STAP1: variants seen among roughly 807,000 people sequenced by gnomAD.
The protein encoded by STAP1 is signal-transducing adaptor protein 1.
Under a neutral mutation model 37.8 loss-of-function variants are expected in STAP1, and 30 were observed. That is an observed-to-expected ratio of 0.79 (90% confidence interval 0.59 to 1.08). The LOEUF is 1.08. Among genes scored for constraint, STAP1 ranks in the 50% least tolerant of loss-of-function variants. The pLI is 0.00. For missense variants in STAP1, 357 were observed against 349.4 expected (o/e 1.02, Z -0.17); for synonymous variants, 130 against 116.0 (o/e 1.12, Z -0.78).
At chr4:67,558,984 T>G (rs990888972) in intron 1 of STAP1, 55 bp downstream of exon 1, 1 of 1,506,910 alleles carries the variant, frequency 6.6e-7, no homozygotes, top group African/African-American at 1.4e-5. Context: ...ATTTAATATT[T>G]ATTTCATGGT....
At chr4:67,572,840 T>C (rs1185018502) in intron 2 of STAP1, among the ~76,000 whole-genome samples, 1 of 152,114 alleles carries the variant, frequency 6.6e-6, no homozygotes, top group African/African-American at 2.4e-5. Context: ...ATAGATGAGA[T>C]TAGTGAAGTT....
intron 8 of STAP1, among the ~76,000 whole-genome samples, chr4:67,601,494 T>C (rs1728340654): frequency 1.3e-5 from 2 of 152,220 alleles, no homozygotes; most frequent in Non-Finnish European, 2.9e-5. Context: ...AATGTCCTTT[T>C]CTATCAGATT....
At position 67,558,771 on chromosome 4, in the gene STAP1, T is replaced by C. The variant is rs1311682064; in HGVS notation, c.-39T>C. 2 of 1,586,594 alleles carry C rather than the reference T, an allele frequency of 1.3e-6. No individual in the cohort carries two copies. Among genetic ancestry groups the C allele is most frequent in the Non-Finnish European group, 8.5e-7 (1 of 1,170,514 alleles). On this transcript the variant is annotated 5_prime_UTR_variant, in exon 1 of 9. Coordinates refer to ENST00000265404, the MANE Select transcript of STAP1 (RefSeq NM_012108.4). ...TCACAGAAGGAAGATTTCATTTTGT[T>C]TGAGACGAGAAACCAAACCACACAC...
At chr4:67,560,965 T>C (rs1727325028) in intron 1 of STAP1, among the ~76,000 whole-genome samples, 1 of 152,164 alleles carries the variant, frequency 6.6e-6, no homozygotes, top group South Asian at 2.1e-4. Flanking sequence ...TACCTTTTAC[T>C]TGTATGTCAG....
chr4:67,583,781 A>G, intron 6 of STAP1, 79 bp downstream of exon 6: 5 of 1,508,982 alleles, frequency 3.3e-6, no homozygotes, highest in South Asian at 1.3e-5. Flanking sequence ...AGCACCTGCT[A>G]TGTGTTTCGT....
At chr4:67,606,175 T>C (rs910242938) in intron 8 of STAP1, 121 bp from the exon 9 acceptor site, 9 of 700,472 alleles carry the variant, frequency 1.3e-5, no homozygotes, top group Non-Finnish European at 2.1e-5. Flanking sequence ...TTCCTAACAA[T>C]TACTAAACAC....
intron 6 of STAP1, among the ~76,000 whole-genome samples, chr4:67,585,108 A>C (rs1397492652): frequency 6.6e-6 from 1 of 152,230 alleles, no homozygotes; most frequent in African/African-American, 2.4e-5. Context: ...TCCACAACTG[A>C]TAATATAATT....
At chr4:67,560,643 G>GGGGGGT (rs370510074) in intron 1 of STAP1, among the ~76,000 whole-genome samples, 31 of 149,606 alleles carry the variant, frequency 2.1e-4, no homozygotes, top group African/African-American at 4.9e-4. Flanking sequence ...TGTGTGTGTG[G>GGGGGGT]GTGTGTGTCT....
intron 8 of STAP1, among the ~76,000 whole-genome samples, chr4:67,596,993 T>C (rs940210955): frequency 6.6e-6 from 1 of 152,194 alleles, no homozygotes; most frequent in African/African-American, 2.4e-5. Flanking sequence ...AGAAGCCAAA[T>C]GTTAATCACC....
intron 6 of STAP1, among the ~76,000 whole-genome samples, chr4:67,589,113 TTAATA>T (rs1728066824): frequency 6.6e-6 from 1 of 152,176 alleles, no homozygotes; most frequent in Admixed American, 6.5e-5. Context: ...AATCCCTTAT[TTAATA>T]GGAATACAGG....
chr4:67,575,633 G>A (rs1727703092), intron 3 of STAP1, 135 bp downstream of exon 3: 1 of 670,200 alleles, frequency 1.5e-6, no homozygotes, highest in East Asian at 3.1e-5. Context: ...CTTGCGTCTG[G>A]CCAAGACCTA....
rs775778895 is a variant in STAP1 at position 67,581,337 on chromosome 4, T to C, written c.396T>C (p.Pro132=). ...LSVPQNVSLL[P]GQVIKLHEVL... is the part of the protein sequence containing the mutation. ...TTCCCCAAAACGTGTCACTCCTACC[T>C]GGGCAAGTAATTAAACTGCATGAAG... The change falls in exon 5 of 9, where the codon CCT becomes CCC. Residue 132 remains proline (P), a synonymous_variant. Transcript: ENST00000265404. 6.2e-7 allele frequency: 1 copy of C among 1,613,798 alleles called. No individual in the cohort carries two copies. The highest frequency in any genetic ancestry group is 8.5e-7 in the Non-Finnish European group (1 of 1,179,844).
In STAP1 at chr4:67,558,869, G is replaced by T. The variant is rs1560452491; in HGVS notation, c.60G>T (p.Lys20Asn). Residue 20 changes from lysine (K) to asparagine (N), a missense_variant, in exon 1 of 9, where the codon AAG (lysine) becomes AAT (asparagine). By Grantham distance (94) the Lys-to-Asn change is moderately conservative. Coordinates refer to ENST00000265404, the MANE Select transcript of STAP1 (RefSeq NM_012108.4). ...GCAGGATCTTCCAGGAAAGGTTAAA[G>T]ATTACTGCTCTACCTTTGTACTTTG... Reference protein sequence around the residue: ...APRRIFQERLKITALPLYFEG... With the variant: ...APRRIFQERLNITALPLYFEG... 1 of 1,613,852 alleles carries T rather than the reference G, an allele frequency of 6.2e-7. No homozygotes were observed. The highest frequency in any genetic ancestry group is 1.7e-5 in the Admixed American group (1 of 60,016).
At chr4:67,581,198 T>G in intron 4 of STAP1, 107 bp from the exon 5 acceptor site, 1 of 1,078,190 alleles carries the variant, frequency 9.3e-7, no homozygotes, top group Admixed American at 2.4e-5. Context: ...CTCATTCACC[T>G]CTGTCAGGTA....
chr4:67,567,335 C>T (rs1166112879), intron 1 of STAP1, among the ~76,000 whole-genome samples: 1 of 151,282 alleles, frequency 6.6e-6, no homozygotes, highest in Non-Finnish European at 1.5e-5. Context: ...GAGGCATCAG[C>T]AGGTTCATTG....
intron 8 of STAP1, among the ~76,000 whole-genome samples, chr4:67,602,129 G>A (rs1728356567): frequency 1.3e-5 from 2 of 151,382 alleles, no homozygotes; most frequent in Non-Finnish European, 2.9e-5. Flanking sequence ...CTGCCCTATT[G>A]AGAGATTCTG....
At position 67,605,168 on chromosome 4, in the gene STAP1, T is replaced by A. The variant is rs552286403; in HGVS notation, c.827-1128T>A. 1.7e-3 allele frequency among the ~76,000 whole-genome samples: 265 copies of A among 152,278 alleles called. 1 individual carries two copies. The highest frequency in any genetic ancestry group is 6.2e-3 in the African/African-American group (259 of 41,546). On this transcript the variant is annotated intron_variant, in intron 8 of 8. Transcript: ENST00000265404. ...CACCTGTGCTGTAATTGCAGTTCTGTGAGACTGCAGTTGCCCAATCTCTCC... is the reference window on the plus strand; with the variant it reads ...CACCTGTGCTGTAATTGCAGTTCTGAGAGACTGCAGTTGCCCAATCTCTCC...
chr4:67,570,839 C>T (rs1315431148), intron 1 of STAP1, among the ~76,000 whole-genome samples: 3 of 151,508 alleles, frequency 2.0e-5, no homozygotes, highest in Non-Finnish European at 4.4e-5. Context: ...GAAGCTGAGG[C>T]AGAAGAATTG....
At position 67,606,452 on chromosome 4, in the gene STAP1, A is replaced by G; in HGVS notation, c.*95A>G. On this transcript the variant is annotated 3_prime_UTR_variant, in exon 9 of 9. Coordinates refer to ENST00000265404, the MANE Select transcript of STAP1 (RefSeq NM_012108.4). ...AGAGAATTACCTATATTCTCCTGAT[A>G]CTGATTACCAAGTCATTCACCTGAA... 1.0e-6 allele frequency: 1 copy of G among 1,003,018 alleles called. No homozygotes were observed. Among genetic ancestry groups the G allele is most frequent in the Admixed American group, 2.8e-5 (1 of 35,644 alleles). The allele number at this position is 1,003,018 out of a possible 1,614,324, so 62.1% of individuals were successfully genotyped here.
Sources: allele counts gnomAD v4.1 joint callset (sites outside exome capture counted in the v4.1 genomes callset), GRCh38; gene constraint gnomAD v4.1.1; transcripts MANE v1.5; gene names NCBI Gene and HGNC (gene_info 2026-07-23, HGNC 2026-07-21).